Variants in LINGO2 observed in about 807,000 individuals in gnomAD.
LINGO2 encodes leucine rich repeat and Ig domain containing 2, also known as leucine-rich repeat and immunoglobulin-like domain-containing nogo receptor-interacting protein 2.
LINGO2 carries 14 observed loss-of-function variants against 30.6 expected under a neutral mutation model. The ratio of observed to expected loss-of-function variants is 0.46; its 90% CI spans 0.30 to 0.72. LINGO2 has a LOEUF of 0.72. LINGO2 is among the 30% of genes least tolerant of loss of function. The pLI is 0.07. For missense variants in LINGO2, 729 were observed against 751.7 expected (o/e 0.97, Z 0.35); for synonymous variants, 317 against 288.5 (o/e 1.10, Z -1.00).
chr9:28,813,767 G>T, the LINGO2 span, among the ~76,000 whole-genome samples: 6 of 152,174 alleles, frequency 3.9e-5, no homozygotes, highest in African/African-American at 1.2e-4. Context: ...GTCTACTTTA[G>T]ATTAGGTAAT....
chr9:28,021,316 GTCTT>G (rs1161469159), intron 4 of LINGO2, among the ~76,000 whole-genome samples: 4 of 152,088 alleles, frequency 2.6e-5, no homozygotes, highest in East Asian at 1.9e-4. Context: ...TTTTCTAGCT[GTCTT>G]TCTGTTATTG....
At chr9:28,799,194 G>T in the LINGO2 span, among the ~76,000 whole-genome samples, 1 of 152,222 alleles carries the variant, frequency 6.6e-6, no homozygotes. Context: ...GTGTTAGAAA[G>T]AGTGGCAATG....
intron 3 of LINGO2, among the ~76,000 whole-genome samples, chr9:28,362,214 ATG>A (rs10631893): frequency 0.036 from 5,484 of 151,052 alleles, 213 homozygotes; most frequent in East Asian, 0.16. Context: ...TTGTGTGTGT[ATG>A]TGTGTGTGTG....
At chr9:28,741,366 C>A in the LINGO2 span, among the ~76,000 whole-genome samples, 3 of 152,006 alleles carry the variant, frequency 2.0e-5, no homozygotes, top group African/African-American at 7.2e-5. Context: ...TGGGGCTGGC[C>A]TAGAACCCTG....
At chr9:28,887,349 C>T in the LINGO2 span, among the ~76,000 whole-genome samples, 21 of 151,838 alleles carry the variant, frequency 1.4e-4, no homozygotes, top group South Asian at 1.0e-3. Context: ...TCTAACTTGC[C>T]CCTGGTCTTA....
chr9:28,450,995 AT>A (rs1017250472), intron 2 of LINGO2, among the ~76,000 whole-genome samples: 43 of 151,966 alleles, frequency 2.8e-4, no homozygotes, highest in African/African-American at 1.0e-3. Flanking sequence ...AATAGTCTTA[AT>A]TTTTTTCATT....
At chr9:28,529,693 A>T (rs967990571) in intron 1 of LINGO2, among the ~76,000 whole-genome samples, 11 of 151,524 alleles carry the variant, frequency 7.3e-5, no homozygotes, top group Non-Finnish European at 1.3e-4. Flanking sequence ...GCCTTTAAAA[A>T]GGTGGATCGG....
intron 4 of LINGO2, among the ~76,000 whole-genome samples, chr9:28,292,073 T>C (rs982957307): frequency 2.0e-5 from 3 of 152,200 alleles, no homozygotes; most frequent in Non-Finnish European, 4.4e-5. Context: ...AGTAAAAGTA[T>C]CCTGAGTTAT....
At chr9:28,786,659 A>C in the LINGO2 span, among the ~76,000 whole-genome samples, 1 of 152,094 alleles carries the variant, frequency 6.6e-6, no homozygotes, top group African/African-American at 2.4e-5. Flanking sequence ...TATGCCTACA[A>C]AACCCAAATA....
chr9:28,767,568 G>A, the LINGO2 span, among the ~76,000 whole-genome samples: 1 of 151,840 alleles, frequency 6.6e-6, no homozygotes. Flanking sequence ...GGCAGATCAC[G>A]AGGTCAGGAG....
chr9:28,246,951 T>G (rs897013647), intron 4 of LINGO2, among the ~76,000 whole-genome samples: 1 of 152,102 alleles, frequency 6.6e-6, no homozygotes, highest in East Asian at 1.9e-4. Context: ...GCAAAGGATA[T>G]GAACAGACAC....
chr9:28,961,528 A>G, the LINGO2 span, among the ~76,000 whole-genome samples: 5 of 152,164 alleles, frequency 3.3e-5, no homozygotes, highest in African/African-American at 1.2e-4. Context: ...TTAAACTACA[A>G]TTTATAATCT....
chr9:29,057,774 T>C, the LINGO2 span, among the ~76,000 whole-genome samples: 1 of 152,054 alleles, frequency 6.6e-6, no homozygotes, highest in Non-Finnish European at 1.5e-5. Flanking sequence ...CATAATAAAC[T>C]GGGAGCAGAA....
At chr9:29,014,408 C>T in the LINGO2 span, among the ~76,000 whole-genome samples, 1 of 152,206 alleles carries the variant, frequency 6.6e-6, no homozygotes, top group African/African-American at 2.4e-5. Context: ...TCCTAGGTGC[C>T]ATTGCTGTAA....
At chr9:28,545,997 A>C (rs531362174) in intron 1 of LINGO2, among the ~76,000 whole-genome samples, 1 of 152,202 alleles carries the variant, frequency 6.6e-6, no homozygotes, top group Non-Finnish European at 1.5e-5. Context: ...TACTACTCTA[A>C]GTATTCTTCA....
the LINGO2 span, among the ~76,000 whole-genome samples, chr9:29,163,894 A>G: frequency 6.6e-6 from 1 of 152,158 alleles, no homozygotes; most frequent in African/African-American, 2.4e-5. Flanking sequence ...CTGCTAATCA[A>G]AGGAGGGAGT....
At chr9:28,879,113 T>A in the LINGO2 span, among the ~76,000 whole-genome samples, 1 of 152,172 alleles carries the variant, frequency 6.6e-6, no homozygotes, top group South Asian at 2.1e-4. Flanking sequence ...CAAAATCTCC[T>A]TAAGCTGATA....
At chr9:28,251,416 G>A (rs555035207) in intron 4 of LINGO2, among the ~76,000 whole-genome samples, 10 of 152,180 alleles carry the variant, frequency 6.6e-5, no homozygotes, top group South Asian at 4.1e-4. Flanking sequence ...ATTAGTAAAC[G>A]TAGACTGTCA....
the LINGO2 span, among the ~76,000 whole-genome samples, chr9:29,058,549 T>A: frequency 6.6e-6 from 1 of 152,018 alleles, no homozygotes; most frequent in Non-Finnish European, 1.5e-5. Flanking sequence ...ATATTTTTTT[T>A]AATGATGAAA....
Sources: allele counts gnomAD v4.1 joint callset (sites outside exome capture counted in the v4.1 genomes callset), GRCh38; gene constraint gnomAD v4.1.1; transcripts MANE v1.5; gene names NCBI Gene and HGNC (gene_info 2026-07-23, HGNC 2026-07-21).